Variants in HIVEP1 observed in about 807,000 individuals in gnomAD.
HIVEP1 encodes HIVEP zinc finger 1.
Under a neutral mutation model 180.0 loss-of-function variants are expected in HIVEP1, and 36 were observed. The ratio of observed to expected loss-of-function variants is 0.20; its 90% CI spans 0.15 to 0.26. HIVEP1 has a LOEUF of 0.26. Among genes scored for constraint, HIVEP1 ranks in the 10% least tolerant of loss-of-function variants. HIVEP1 has a pLI of 1.00. For synonymous variants in HIVEP1, 1,239 were observed against 1,239.0 expected, an observed-to-expected ratio of 1.00 and a Z score of 0.00; for missense variants, 3,143 against 3,268.7, an observed-to-expected ratio of 0.96 and a Z score of 0.94.
the HIVEP1 span, among the ~76,000 whole-genome samples, chr6:12,211,200 C>T: frequency 1.5e-5 from 2 of 131,398 alleles, no homozygotes; most frequent in African/African-American, 3.1e-5. Flanking sequence ...GAGATTGAGA[C>T]CATCCTGGCT....
chr6:12,206,508 G>T, the HIVEP1 span, among the ~76,000 whole-genome samples: 1 of 152,132 alleles, frequency 6.6e-6, no homozygotes, highest in Non-Finnish European at 1.5e-5. Flanking sequence ...GCCACATGAG[G>T]ACTGGAGTTA....
intron 2 of HIVEP1, among the ~76,000 whole-genome samples, chr6:12,039,511 A>G (rs976902270): frequency 6.6e-6 from 1 of 152,224 alleles, no homozygotes; most frequent in African/African-American, 2.4e-5. Context: ...TTCAGGGGTC[A>G]TCCTCTGTCC....
At chr6:12,104,262 C>T (rs770747878) in intron 3 of HIVEP1, among the ~76,000 whole-genome samples, 17 of 151,876 alleles carry the variant, frequency 1.1e-4, no homozygotes, top group Non-Finnish European at 2.5e-4. Flanking sequence ...TTGCCTCTGC[C>T]TCATTGTGTA....
Position 12,012,371 on chromosome 6 carries a change from GGGGGACC to G in HIVEP1, c.-293_-287del, listed in dbSNP as rs1359243568. 6.6e-6 allele frequency: 1 copy of G among 150,700 alleles called. No individual in the cohort carries two copies. 9.3% of individuals were successfully genotyped at this position (150,700 alleles called of 1,614,324 possible). A position where few individuals can be genotyped will look rare whatever the true frequency, so the allele number is the denominator to read the frequency against. On this transcript the variant is annotated 5_prime_UTR_variant, in exon 1 of 9. Transcript: ENST00000379388. ...GCGGCGGCAGGGTGGCGGACGGAGC[GGGGGACC>G]GGGGAGCGGCGGCCGCCGGAGGAGG... is the stretch of plus-strand genomic sequence containing the variant.
At chr6:12,167,863 AAT>A (rs1162239351), downstream of HIVEP1, among the ~76,000 whole-genome samples, 7 of 144,264 alleles carry the variant, frequency 4.9e-5, no homozygotes, top group Admixed American at 1.4e-4. Flanking sequence ...GTGCGTATAT[AAT>A]ATATACACAT....
chr6:12,128,257 A>G (rs1452838950), intron 4 of HIVEP1, among the ~76,000 whole-genome samples: 3 of 152,216 alleles, frequency 2.0e-5, no homozygotes, highest in African/African-American at 7.2e-5. Flanking sequence ...TTTGCCAGGA[A>G]AAGAGAAGGA....
the HIVEP1 span, among the ~76,000 whole-genome samples, chr6:12,179,248 C>G: frequency 6.6e-6 from 1 of 152,048 alleles, no homozygotes; most frequent in East Asian, 1.9e-4. Flanking sequence ...TAGATAGGGA[C>G]CCAAATATCA....
chr6:12,030,552 T>C (rs190588016), intron 2 of HIVEP1, among the ~76,000 whole-genome samples: 280 of 152,330 alleles, frequency 1.8e-3, no homozygotes, highest in African/African-American at 6.5e-3. Flanking sequence ...AGATTTGCGG[T>C]TGAGTCCCTC....
chr6:12,104,418 T>G (rs866178489), intron 3 of HIVEP1, among the ~76,000 whole-genome samples: 28 of 109,566 alleles, frequency 2.6e-4, no homozygotes, highest in South Asian at 5.9e-4. Flanking sequence ...CTCTCTCCTT[T>G]TCTTTCCTTT....
chr6:12,211,241 T>G, the HIVEP1 span, among the ~76,000 whole-genome samples: 1 of 101,560 alleles, frequency 9.8e-6, no homozygotes, highest in Non-Finnish European at 1.9e-5. Context: ...CTACTAAAAA[T>G]ACAAAAAAAT....
Position 12,051,088 on chromosome 6 carries a change from T to C in HIVEP1, c.40+35420T>C, listed in dbSNP as rs187372122. Among the ~76,000 whole-genome samples, 11 of 149,074 alleles carry C rather than the reference T, an allele frequency of 7.4e-5. No homozygotes were observed. The East Asian group carries it at 2.2e-3, about 29-fold the overall frequency. On this transcript the variant is annotated intron_variant, in intron 2 of 8. Transcript: ENST00000379388. The stretch of plus-strand genomic sequence containing the variant: ...TTTTTACTTCACCTCTTGGATCTTA[T>C]ACTTCTGTCTCCTTTCTCTCACAGC...
rs1581818873 is a variant in HIVEP1 at position 12,164,159 on chromosome 6, G to T, written c.7855G>T (p.Ala2619Ser). Residue 2619 changes from alanine to serine, a missense_variant, in exon 9 of 9, where the codon GCC becomes TCC. Ala to Ser is a moderately conservative substitution (Grantham distance 99). Coordinates refer to ENST00000379388, the MANE Select transcript of HIVEP1 (RefSeq NM_002114.4). ...TGCAAAAAAAGTTCTGAATCCACCT[G>T]CCCCTGCAGGTGACCATGCAAGGCT... ...ENAKKVLNPP[A>S]PAGDHARLDG... is the part of the protein sequence containing the mutation. 6.2e-7 allele frequency: 1 copy of T among 1,614,170 alleles called. No individual in the cohort carries two copies. Among genetic ancestry groups the T allele is most frequent in the Middle Eastern group, 1.6e-4 (1 of 6,062 alleles).
Position 12,058,021 on chromosome 6 carries a change from C to T in HIVEP1, c.41-31163C>T, listed in dbSNP as rs572221073. On this transcript the variant is annotated intron_variant, in intron 2 of 8. Transcript: ENST00000379388. Reference sequence around the variant, plus strand: ...CATGAGTAATTGAAAAAAAGAAAACCAATTGTGGCTTTCTTGCTAAACAGA... The same window carrying T: ...CATGAGTAATTGAAAAAAAGAAAACTAATTGTGGCTTTCTTGCTAAACAGA... 2.0e-5 allele frequency among the ~76,000 whole-genome samples: 3 copies of T among 152,106 alleles called. No individual in the cohort carries two copies. The South Asian group carries it at 6.2e-4, about 32-fold the overall frequency.
At chr6:12,034,464 G>GGTA (rs746280352) in intron 2 of HIVEP1, among the ~76,000 whole-genome samples, 63 of 152,332 alleles carry the variant, frequency 4.1e-4, no homozygotes, top group Non-Finnish European at 8.1e-4. Context: ...TGCTGTGGAG[G>GGTA]TTACCTGAGT....
chr6:12,190,864 C>G, the HIVEP1 span, among the ~76,000 whole-genome samples: 1 of 152,018 alleles, frequency 6.6e-6, no homozygotes, highest in Non-Finnish European at 1.5e-5. Context: ...CATTTAAGAC[C>G]AAAAGTTTGT....
chr6:12,101,799 C>CA (rs1418203295), intron 3 of HIVEP1, among the ~76,000 whole-genome samples: 2 of 151,966 alleles, frequency 1.3e-5, no homozygotes, highest in Non-Finnish European at 2.9e-5. Flanking sequence ...AATCAAAAGG[C>CA]ATAGATTGTC....
At chr6:12,069,834 AC>A (rs1771851420) in intron 2 of HIVEP1, among the ~76,000 whole-genome samples, 1 of 152,184 alleles carries the variant, frequency 6.6e-6, no homozygotes, top group East Asian at 1.9e-4. Flanking sequence ...TTCTATGATA[AC>A]ATCTAGCTTA....
chr6:12,119,876 G>T lies in HIVEP1; in HGVS notation c.95-14G>T, dbSNP rs895636676. 6.6e-7 allele frequency: 1 copy of T among 1,506,688 alleles called. No homozygotes were observed. The highest frequency in any genetic ancestry group is 1.4e-5 in the African/African-American group (1 of 71,410). 93.3% of individuals were successfully genotyped at this position (1,506,688 alleles called of 1,614,324 possible). On this transcript the variant is annotated splice_polypyrimidine_tract_variant and intron_variant, in intron 3 of 8. Coordinates refer to ENST00000379388, the MANE Select transcript of HIVEP1 (RefSeq NM_002114.4). ...ATGTTACCAATTGTTTGTTGTTGTT[G>T]TTGTTTTTTCCAGAAATCTTACAGG... is the stretch of plus-strand genomic sequence containing the variant.
the HIVEP1 span, among the ~76,000 whole-genome samples, chr6:12,190,510 C>T: frequency 6.6e-6 from 1 of 152,290 alleles, no homozygotes; most frequent in South Asian, 2.1e-4. Flanking sequence ...GCACTGCTTG[C>T]TTTCTGCCTG....
Sources: gnomAD v4.1 joint callset for allele counts (sites outside exome capture counted in the v4.1 genomes callset) on GRCh38, gnomAD v4.1.1 for gene constraint, MANE v1.5 for transcripts, NCBI Gene and HGNC (gene_info 2026-07-23, HGNC 2026-07-21) for gene names.